Variants in FOXP2 observed in about 807,000 individuals in gnomAD.
FOXP2 encodes the protein forkhead box protein P2.
A neutral mutation model predicts 115.8 loss-of-function variants in FOXP2; 12 were observed. The ratio of observed to expected loss-of-function variants is 0.10; its 90% CI spans 0.07 to 0.17. The LOEUF is 0.17. Ranked by LOEUF, FOXP2 falls within the 10% of genes least tolerant of loss-of-function variation. FOXP2 has a pLI of 1.00. For missense variants in FOXP2, 629 were observed against 843.5 expected (o/e 0.75, Z 3.15); for synonymous variants, 328 against 297.7 (o/e 1.10, Z -1.05).
intron 16 of FOXP2, among the ~76,000 whole-genome samples, chr7:114,680,273 C>T (rs184989893): frequency 2.0e-5 from 3 of 152,152 alleles, no homozygotes; most frequent in African/African-American, 7.2e-5. Flanking sequence ...CTGAAAGGAT[C>T]GATTAAATTT....
intron 3 of FOXP2, among the ~76,000 whole-genome samples, chr7:114,535,518 T>C (rs1014610678): frequency 6.6e-6 from 1 of 151,608 alleles, no homozygotes; most frequent in African/African-American, 2.4e-5. Context: ...ACATCTCTTG[T>C]GGCTTTAACA....
chr7:114,366,888 ATAC>A (rs1161817820), intron 2 of FOXP2, among the ~76,000 whole-genome samples: 1 of 152,058 alleles, frequency 6.6e-6, no homozygotes, highest in African/African-American at 2.4e-5. Context: ...CAGGGGAATT[ATAC>A]TACAGCCTTT....
intron 2 of FOXP2, among the ~76,000 whole-genome samples, chr7:114,521,480 C>A (rs1461032977): frequency 7.0e-6 from 1 of 142,044 alleles, no homozygotes; most frequent in Non-Finnish European, 1.5e-5. Context: ...TTACAGTGGA[C>A]TCTGAGTCTA....
intron 1 of FOXP2, among the ~76,000 whole-genome samples, chr7:114,247,786 A>G (rs889990567): frequency 2.6e-5 from 4 of 152,340 alleles, no homozygotes; most frequent in African/African-American, 9.6e-5. Context: ...ATGCAATAAT[A>G]GTACGAAGGG....
At chr7:114,234,318 G>A (rs936375540) in intron 1 of FOXP2, among the ~76,000 whole-genome samples, 3 of 152,182 alleles carry the variant, frequency 2.0e-5, no homozygotes, top group Non-Finnish European at 4.4e-5. Context: ...TTAGGAGACA[G>A]TGTTAGGTTT....
At chr7:114,266,413 C>T (rs1795896018) in intron 1 of FOXP2, among the ~76,000 whole-genome samples, 1 of 152,146 alleles carries the variant, frequency 6.6e-6, no homozygotes, top group African/African-American at 2.4e-5. Context: ...AAGCATGGTG[C>T]CAGCATCTCC....
At chr7:114,246,095 C>T (rs1296609642) in intron 1 of FOXP2, among the ~76,000 whole-genome samples, 1 of 152,032 alleles carries the variant, frequency 6.6e-6, no homozygotes, top group Non-Finnish European at 1.5e-5. Context: ...AAGTTTCTTC[C>T]AGTCATATAA....
chr7:114,526,028 C>A (rs1370707757), intron 2 of FOXP2, among the ~76,000 whole-genome samples: 6 of 151,872 alleles, frequency 4.0e-5, no homozygotes, highest in African/African-American at 1.5e-4. Context: ...AGGAGAATCG[C>A]TTGAACCTGG....
At chr7:114,225,618 A>AT (rs993059575) in intron 1 of FOXP2, among the ~76,000 whole-genome samples, 6 of 149,950 alleles carry the variant, frequency 4.0e-5, no homozygotes, top group South Asian at 2.1e-4. Flanking sequence ...CTAATTTTTA[A>AT]TTTTTTTTTG....
intron 2 of FOXP2, among the ~76,000 whole-genome samples, chr7:114,371,122 AG>A (rs1408994056): frequency 2.0e-5 from 3 of 152,128 alleles, no homozygotes; most frequent in Non-Finnish European, 4.4e-5. Flanking sequence ...TTTTGAGATA[AG>A]GCCTCTTTTG....
intron 1 of FOXP2, among the ~76,000 whole-genome samples, chr7:114,271,611 TAATA>T (rs1201234551): frequency 1.6e-5 from 2 of 123,638 alleles, no homozygotes; most frequent in East Asian, 2.1e-4. Context: ...TATTAATATA[TAATA>T]AATAATTATA....
intron 2 of FOXP2, 48 bp from the exon 3 acceptor site, chr7:114,534,569 C>CT (rs751042410): frequency 6.7e-7 from 1 of 1,497,248 alleles, no homozygotes; most frequent in Non-Finnish European, 9.3e-7. Flanking sequence ...TAATTGATAA[C>CT]TTAACTTTCA....
intron 1 of FOXP2, among the ~76,000 whole-genome samples, chr7:114,182,689 T>G (rs1793487951): frequency 6.6e-6 from 1 of 151,774 alleles, no homozygotes. Context: ...TCCCATTCAA[T>G]CCTTGAATAC....
At position 114,560,142 on chromosome 7, in the gene FOXP2, A is replaced by T. The variant is rs188881719; in HGVS notation, c.258+25436A>T. 1.8e-4 allele frequency among the ~76,000 whole-genome samples: 28 copies of T among 152,336 alleles called. No homozygotes were observed. In the East Asian group the frequency reaches 5.0e-3, roughly 27 times the overall value. ...TGGAATGAGTATATAGTGTTAAATT[A>T]TGATAAAAATAAAATATGCAAACAC... On this transcript the variant is annotated intron_variant, in intron 3 of 16. Coordinates refer to ENST00000350908, the MANE Select transcript of FOXP2 (RefSeq NM_014491.4).
chr7:114,685,678 C>G (rs1808321917), intron 16 of FOXP2, among the ~76,000 whole-genome samples: 1 of 152,112 alleles, frequency 6.6e-6, no homozygotes, highest in South Asian at 2.1e-4. Flanking sequence ...TGGGAAATTC[C>G]AGTGTTCTTT....
intron 2 of FOXP2, among the ~76,000 whole-genome samples, chr7:114,299,916 G>T (rs991025101): frequency 6.6e-6 from 1 of 151,932 alleles, no homozygotes; most frequent in African/African-American, 2.4e-5. Flanking sequence ...GGAAATCAAA[G>T]GATTACACAG....
At chr7:114,520,771 G>A (rs933033357) in intron 2 of FOXP2, among the ~76,000 whole-genome samples, 6 of 152,018 alleles carry the variant, frequency 3.9e-5, no homozygotes, top group African/African-American at 1.4e-4. Context: ...ACTAAAAAAA[G>A]AATGATAATG....
intron 11 of FOXP2, 92 bp from the exon 12 acceptor site, chr7:114,659,256 CTCACTGAA>C (rs1806749459): frequency 3.4e-6 from 3 of 876,020 alleles, no homozygotes; most frequent in Non-Finnish European, 5.6e-6. Flanking sequence ...CGGTGGCTTC[CTCACTGAA>C]TCACTTTACC....
chr7:114,374,337 T>C (rs1792088842), intron 2 of FOXP2, among the ~76,000 whole-genome samples: 1 of 152,214 alleles, frequency 6.6e-6, no homozygotes, highest in Non-Finnish European at 1.5e-5. Flanking sequence ...TTTGATAAGG[T>C]AAAACTTTAT....
Sources: gnomAD v4.1 joint callset for allele counts (sites outside exome capture counted in the v4.1 genomes callset) on GRCh38, gnomAD v4.1.1 for gene constraint, MANE v1.5 for transcripts, NCBI Gene and HGNC (gene_info 2026-07-23, HGNC 2026-07-21) for gene names.